Variants in DPYS observed in about 807,000 individuals in gnomAD.
DPYS encodes dihydropyrimidine amidohydrolase.
In DPYS, 39 loss-of-function variants were observed where a neutral mutation model predicts 50.3. The ratio of observed to expected loss-of-function variants is 0.78; its 90% confidence interval spans 0.60 to 1.01. The LOEUF is 1.01. DPYS is among the 50% of genes least tolerant of loss of function. The pLI is 0.00. For missense variants in DPYS, 659 were observed against 680.9 expected, an observed-to-expected ratio of 0.97 and a Z score of 0.36; for synonymous variants, 245 against 250.7, an observed-to-expected ratio of 0.98 and a Z score of 0.22.
At chr8:104,460,484 A>C (rs1814086149) in intron 1 of DPYS, among the ~76,000 whole-genome samples, 1 of 152,206 alleles carries the variant, frequency 6.6e-6, no homozygotes, top group African/African-American at 2.4e-5. Context: ...ACAGCCTGTG[A>C]AACTGTGAGT....
chr8:104,384,960 T>C (rs1443427510), intron 8 of DPYS, among the ~76,000 whole-genome samples: 1 of 152,196 alleles, frequency 6.6e-6, no homozygotes, highest in Non-Finnish European at 1.5e-5. Flanking sequence ...CCTCTGAAGG[T>C]TGGTGGGCCC....
chr8:104,407,450 C>T lies in DPYS; in HGVS notation c.1236-14459G>A, dbSNP rs142558656. 2.1e-3 allele frequency among the ~76,000 whole-genome samples: 324 copies of T among 152,300 alleles called. 1 individual carries two copies. Among genetic ancestry groups the T allele is most frequent in the African/African-American group, 5.7e-3 (235 of 41,586 alleles). On this transcript the variant is annotated intron_variant, in intron 7 of 9. Transcript: ENST00000351513. ...AACAGGAAAACATTAGAAAAAAGGA[C>T]GGTACCATGTACCTGTGAGTAGTGG...
chr8:104,441,591 A>T (rs1318845137), intron 4 of DPYS, among the ~76,000 whole-genome samples: 2 of 152,214 alleles, frequency 1.3e-5, no homozygotes, highest in Non-Finnish European at 2.9e-5. Context: ...GCTGGTGCCG[A>T]AGATGGAGGA....
intron 4 of DPYS, among the ~76,000 whole-genome samples, chr8:104,432,818 A>C (rs1228196118): frequency 1.3e-5 from 2 of 152,210 alleles, no homozygotes; most frequent in African/African-American, 4.8e-5. Flanking sequence ...ATTAATGTTT[A>C]TGAAAGTACC....
chr8:104,380,924 G>T, intron 9 of DPYS: 1 of 401,694 alleles, frequency 2.5e-6, no homozygotes, highest in South Asian at 2.4e-5. Flanking sequence ...AGTGCAACTT[G>T]CTCATAGTTG....
chr8:104,419,091 C>A (rs572619396), intron 7 of DPYS: 4 of 984,608 alleles, frequency 4.1e-6, no homozygotes, highest in South Asian at 4.7e-5. Flanking sequence ...ATAAGACCAG[C>A]GAGACAGTTC....
intron 1 of DPYS, among the ~76,000 whole-genome samples, chr8:104,455,151 AAACTT>A (rs1295417874): frequency 6.6e-6 from 1 of 152,186 alleles, no homozygotes; most frequent in African/African-American, 2.4e-5. Context: ...AAAGAAAAAA[AAACTT>A]AATACAGAAC....
chr8:104,446,457 C>T (rs1813534317), intron 3 of DPYS, among the ~76,000 whole-genome samples: 1 of 152,154 alleles, frequency 6.6e-6, no homozygotes, highest in South Asian at 2.1e-4. Context: ...CACTTGCTCC[C>T]CAATCCAACC....
intron 7 of DPYS, among the ~76,000 whole-genome samples, chr8:104,413,054 G>A (rs934640356): frequency 2.0e-5 from 3 of 152,142 alleles, no homozygotes; most frequent in African/African-American, 7.2e-5. Flanking sequence ...CAAACCAGGG[G>A]ATAGATGAAT....
rs59581374 is a variant in DPYS, at chr8:104,381,852, T to TCACA, written c.1444-542_1444-539dup. Among the ~76,000 whole-genome samples the TCACA allele has an allele frequency of 6.7e-3, 828 of 123,932 alleles. 7 individuals carry two copies. Among genetic ancestry groups the TCACA allele is most frequent in the African/African-American group, 0.024 (690 of 28,772 alleles). 81.3% of individuals were successfully genotyped at this position (123,932 alleles called of 152,430 possible). ...TCAGTGCTTGAGCAGAGTTTTGAAATCACACACACACACACACACACACAC... is the reference window on the plus strand; with the variant it reads ...TCAGTGCTTGAGCAGAGTTTTGAAATCACACACACACACACACACACACACACAC... On this transcript the variant is annotated intron_variant, in intron 8 of 9. Coordinates refer to ENST00000351513, the MANE Select transcript of DPYS (RefSeq NM_001385.3).
intron 7 of DPYS, among the ~76,000 whole-genome samples, chr8:104,402,385 C>T (rs1156277061): frequency 6.6e-6 from 1 of 152,096 alleles, no homozygotes; most frequent in African/African-American, 2.4e-5. Flanking sequence ...TGTGAATCAG[C>T]CAAGCTAGCA....
At chr8:104,417,850 A>G (rs1812417946) in intron 7 of DPYS, among the ~76,000 whole-genome samples, 1 of 151,808 alleles carries the variant, frequency 6.6e-6, no homozygotes, top group African/African-American at 2.4e-5. Context: ...TACTACGCCC[A>G]CTCCCAATTC....
Position 104,447,319 on chromosome 8 carries a change from C to T in DPYS, c.603+5G>A, listed in dbSNP as rs377073619. The T allele has an allele frequency of 3.1e-4, 494 of 1,614,026 alleles. No homozygotes were observed. Among genetic ancestry groups the T allele is most frequent in the Middle Eastern group, 6.6e-4 (4 of 6,062 alleles). ...CTGTAGAAGCTTTGGAATGCAAATG[C>T]GTACCTCTGCAATTAAGTCTCCATT... is the stretch of plus-strand genomic sequence containing the variant. On this transcript the variant is annotated splice_donor_5th_base_variant and intron_variant, in intron 3 of 9. Transcript: ENST00000351513.
chr8:104,413,973 C>G (rs4734794), intron 7 of DPYS, among the ~76,000 whole-genome samples: 104,835 of 152,008 alleles, frequency 0.69, 36,607 homozygotes, highest in African/African-American at 0.77. Flanking sequence ...ACCTGGGAAT[C>G]CATATCTGGT....
chr8:104,456,823 G>A (rs1010944397), intron 1 of DPYS, among the ~76,000 whole-genome samples: 18 of 152,102 alleles, frequency 1.2e-4, no homozygotes, highest in Non-Finnish European at 2.1e-4. Flanking sequence ...AACTCTTTTG[G>A]GGGACAGGGG....
chr8:104,403,333 G>C (rs1181257018), intron 7 of DPYS, among the ~76,000 whole-genome samples: 1 of 152,152 alleles, frequency 6.6e-6, no homozygotes, highest in Non-Finnish European at 1.5e-5. Context: ...GCTTCTAATA[G>C]AGCTATAACA....
At chr8:104,465,546 C>T (rs1323615802) in intron 1 of DPYS, among the ~76,000 whole-genome samples, 2 of 152,164 alleles carry the variant, frequency 1.3e-5, no homozygotes, top group Non-Finnish European at 2.9e-5. Context: ...CTCTATGTTC[C>T]TGTAAAGCTG....
chr8:104,441,500 T>G (rs879176728), intron 4 of DPYS, among the ~76,000 whole-genome samples: 1 of 152,190 alleles, frequency 6.6e-6, no homozygotes, highest in East Asian at 1.9e-4. Flanking sequence ...TCGGTAGGCT[T>G]AATATAAGGG....
In DPYS at chr8:104,451,278, G is replaced by A. The variant is rs759041384; in HGVS notation, c.391C>T (p.Leu131Phe). 7 of 1,614,134 alleles carry A rather than the reference G, an allele frequency of 4.3e-6. No individual in the cohort carries two copies. The Admixed American group carries it at 1.2e-4, about 27-fold the overall frequency. Residue 131 changes from leucine to phenylalanine, a missense_variant, in exon 2 of 10, where the codon CTT becomes TTT. Coordinates refer to ENST00000351513, the MANE Select transcript of DPYS (RefSeq NM_001385.3). ...ADPKVCCDYS[L>F]HVAVTWWSDQ... ...CTCCACCACGTCACTGCCACATGAAGGCTGTAGTCGCAGCAAACTTTGGGA... is the reference window on the plus strand; with the variant it reads ...CTCCACCACGTCACTGCCACATGAAAGCTGTAGTCGCAGCAAACTTTGGGA...
Sources: allele counts gnomAD v4.1 joint callset (sites outside exome capture counted in the v4.1 genomes callset), GRCh38; gene constraint gnomAD v4.1.1; transcripts MANE v1.5; gene names NCBI Gene and HGNC (gene_info 2026-07-23, HGNC 2026-07-21).